Variants in GSTCD observed in about 807,000 individuals in gnomAD.
The protein encoded by GSTCD is glutathione S-transferase C-terminal domain-containing protein.
In GSTCD, 44 loss-of-function variants were observed where a neutral mutation model predicts 68.3. The ratio of observed to expected loss-of-function variants is 0.64; its 90% CI spans 0.51 to 0.83. The LOEUF (loss-of-function observed/expected upper bound fraction) is 0.83. Among genes scored for constraint, GSTCD ranks in the 40% least tolerant of loss-of-function variants. GSTCD has a pLI of 0.00. For missense variants in GSTCD, 739 were observed against 735.9 expected, an observed-to-expected ratio of 1.00 and a Z score of -0.05; for synonymous variants, 273 against 255.2, an observed-to-expected ratio of 1.07 and a Z score of -0.67.
intron 5 of GSTCD, among the ~76,000 whole-genome samples, chr4:105,796,502 G>C (rs538429202): frequency 1.8e-4 from 28 of 152,072 alleles, no homozygotes; most frequent in Non-Finnish European, 3.7e-4. Context: ...TATTAAATCT[G>C]AGCATTCATA....
At chr4:105,719,009 A>T in intron 2 of GSTCD, 51 bp from the exon 3 acceptor site, 1 of 1,362,722 alleles carries the variant, frequency 7.3e-7, no homozygotes, top group African/African-American at 1.5e-5. Context: ...TTCTAAAGTT[A>T]TATTGAAATT....
At chr4:105,771,683 T>C (rs1734853847) in intron 5 of GSTCD, among the ~76,000 whole-genome samples, 1 of 152,174 alleles carries the variant, frequency 6.6e-6, no homozygotes, top group Non-Finnish European at 1.5e-5. Context: ...CGGTTGTAGA[T>C]GTGTGATGTT....
At chr4:105,734,870 C>T (rs1301308622) in intron 5 of GSTCD, among the ~76,000 whole-genome samples, 1 of 152,122 alleles carries the variant, frequency 6.6e-6, no homozygotes, top group Non-Finnish European at 1.5e-5. Context: ...TGTGGATGTC[C>T]TGTCTGTTTG....
At chr4:105,765,207 G>A (rs2149238596) in intron 5 of GSTCD, among the ~76,000 whole-genome samples, 1 of 151,890 alleles carries the variant, frequency 6.6e-6, no homozygotes, top group South Asian at 2.1e-4. Context: ...ATTAATAATA[G>A]TCATGACCCA....
At chr4:105,802,881 G>C (rs1307162787) in intron 5 of GSTCD, among the ~76,000 whole-genome samples, 1 of 152,040 alleles carries the variant, frequency 6.6e-6, no homozygotes, top group Non-Finnish European at 1.5e-5. Flanking sequence ...CTGGAATCAG[G>C]AGTAAGCCAA....
chr4:105,765,140 T>C (rs1443705970), intron 5 of GSTCD, among the ~76,000 whole-genome samples: 1 of 152,154 alleles, frequency 6.6e-6, no homozygotes. Flanking sequence ...TTGGTATTTT[T>C]CTCATATTCT....
chr4:105,815,732 C>A (rs1383744748), intron 5 of GSTCD, among the ~76,000 whole-genome samples: 2 of 152,100 alleles, frequency 1.3e-5, no homozygotes, highest in African/African-American at 2.4e-5. Flanking sequence ...ACTATTAAGA[C>A]ACCTTACTGT....
intron 1 of GSTCD, chr4:105,710,799 G>A (rs1732513244): frequency 6.6e-6 from 1 of 152,192 alleles, no homozygotes; most frequent in South Asian, 2.1e-4. Context: ...AAGGCATTAT[G>A]ACTCCATGGC....
At chr4:105,814,178 G>T (rs1004606459) in intron 5 of GSTCD, among the ~76,000 whole-genome samples, 2 of 152,152 alleles carry the variant, frequency 1.3e-5, no homozygotes, top group Admixed American at 6.5e-5. Context: ...TTTGAGTATA[G>T]TCTTGCTATT....
intron 5 of GSTCD, among the ~76,000 whole-genome samples, chr4:105,754,204 T>A (rs1734104373): frequency 6.6e-6 from 1 of 152,152 alleles, no homozygotes; most frequent in Non-Finnish European, 1.5e-5. Flanking sequence ...TTTATCTAAT[T>A]AGGCCAACTT....
chr4:105,779,318 A>G (rs1420976697), intron 5 of GSTCD, among the ~76,000 whole-genome samples: 1 of 152,196 alleles, frequency 6.6e-6, no homozygotes, highest in East Asian at 1.9e-4. Context: ...GATGATTAGA[A>G]TCAGGTGGTG....
rs1320601822 is a variant in GSTCD at position 105,830,992 on chromosome 4, C to G, written c.1531-3469C>G. ...AATATACGTTCATCATATAGAAAAA[C>G]AGATTTTCAGGAAGTAAACCAATGA... On this transcript the variant is annotated intron_variant, in intron 8 of 11. Transcript: ENST00000515279. Among the ~76,000 whole-genome samples, 3 of 152,088 alleles carry G rather than the reference C, an allele frequency of 2.0e-5. No homozygotes were observed. The East Asian group carries it at 5.8e-4, about 29-fold the overall frequency.
chr4:105,817,559 G>A (rs972934988), intron 5 of GSTCD, among the ~76,000 whole-genome samples: 1 of 151,818 alleles, frequency 6.6e-6, no homozygotes, highest in African/African-American at 2.4e-5. Context: ...GTGCAGCTAA[G>A]AGGATTAGTG....
chr4:105,716,750 A>T (rs369815939), intron 1 of GSTCD, among the ~76,000 whole-genome samples: 1 of 152,188 alleles, frequency 6.6e-6, no homozygotes, highest in South Asian at 2.1e-4. Context: ...AATGTTGGAG[A>T]TGGCTGTTTT....
At chr4:105,826,549 T>C (rs1021291688) in intron 8 of GSTCD, among the ~76,000 whole-genome samples, 3 of 152,112 alleles carry the variant, frequency 2.0e-5, no homozygotes, top group Non-Finnish European at 4.4e-5. Context: ...TATCAAGTGA[T>C]AAATACTATC....
At chr4:105,833,549 G>A (rs1277550869) in intron 8 of GSTCD, among the ~76,000 whole-genome samples, 1 of 152,122 alleles carries the variant, frequency 6.6e-6, no homozygotes, top group African/African-American at 2.4e-5. Context: ...GGTGAGGGAA[G>A]ATTATAATTC....
intron 5 of GSTCD, chr4:105,821,265 T>G (rs1012360373): frequency 6.6e-6 from 1 of 151,814 alleles, no homozygotes; most frequent in Admixed American, 6.6e-5. Flanking sequence ...ATAAATCAAG[T>G]ATAGTAAGTT....
At chr4:105,725,485 C>T (rs182341928) in intron 3 of GSTCD, among the ~76,000 whole-genome samples, 252 of 152,218 alleles carry the variant, frequency 1.7e-3, no homozygotes, top group African/African-American at 5.8e-3. Context: ...GTTCCACATG[C>T]GCACCATCAT....
chr4:105,762,182 TGTCAGCC>T (rs1203997760), intron 5 of GSTCD, among the ~76,000 whole-genome samples: 1 of 152,206 alleles, frequency 6.6e-6, no homozygotes, highest in Non-Finnish European at 1.5e-5. Context: ...AGATTGGGGC[TGTCAGCC>T]GTATGGTGGG....
Sources: gnomAD v4.1 joint callset for allele counts (sites outside exome capture counted in the v4.1 genomes callset) on GRCh38, gnomAD v4.1.1 for gene constraint, MANE v1.5 for transcripts, NCBI Gene and HGNC (gene_info 2026-07-23, HGNC 2026-07-21) for gene names.